Variants in CA12 observed in about 807,000 individuals in gnomAD.
CA12 encodes carbonic anhydrase 12.
Under a neutral mutation model 46.8 loss-of-function variants are expected in CA12, and 36 were observed. The observed-to-expected ratio is 0.77, with a 90% confidence interval of 0.59 to 1.02. The LOEUF (loss-of-function observed/expected upper bound fraction) is 1.02. Among genes scored for constraint, CA12 ranks in the 50% least tolerant of loss-of-function variants. CA12 has a pLI of 0.00. For missense variants in CA12, 436 were observed against 451.4 expected (o/e 0.97, Z 0.31); for synonymous variants, 202 against 187.0 (o/e 1.08, Z -0.65).
chr15:63,346,386 A>C, intron 3 of CA12, 144 bp downstream of exon 3: 5 of 749,008 alleles, frequency 6.7e-6, no homozygotes, highest in Non-Finnish European at 6.9e-6. Flanking sequence ...TGCTCCTGGA[A>C]TCTCTCAAAG....
chr15:63,350,951 G>A (rs562354775), intron 2 of CA12, among the ~76,000 whole-genome samples: 2 of 152,180 alleles, frequency 1.3e-5, no homozygotes, highest in East Asian at 1.9e-4. Context: ...AAACATAAGG[G>A]CTCTTAAAAC....
At chr15:63,335,914 C>A (rs2038997418) in intron 8 of CA12, among the ~76,000 whole-genome samples, 1 of 152,214 alleles carries the variant, frequency 6.6e-6, no homozygotes. Context: ...GCCTTCACCC[C>A]TTTGGGACTG....
At chr15:63,343,827 C>A (rs1051701325) in intron 4 of CA12, among the ~76,000 whole-genome samples, 3 of 152,178 alleles carry the variant, frequency 2.0e-5, no homozygotes, top group African/African-American at 7.2e-5. Context: ...AAATAAATCT[C>A]GAGACCCCCA....
intron 2 of CA12, among the ~76,000 whole-genome samples, chr15:63,360,012 C>A (rs746505406): frequency 1.3e-4 from 20 of 152,254 alleles, no homozygotes; most frequent in Non-Finnish European, 2.1e-4. Flanking sequence ...CCAGGCTTTG[C>A]TTTCCCCACT....
rs777342866 is a variant in CA12 at position 63,364,332 on chromosome 15, G to GGAAAAAAAAA, written c.106+11325_106+11326insTTTTTTTTTC. Among the ~76,000 whole-genome samples, 2 of 56,138 alleles carry GGAAAAAAAAA rather than the reference G, an allele frequency of 3.6e-5. 1 individual carries two copies. Among genetic ancestry groups the GGAAAAAAAAA allele is most frequent in the South Asian group, 2.3e-3 (2 of 880 alleles). 36.8% of individuals were successfully genotyped at this position (56,138 alleles called of 152,430 possible). ...GTGAAACAGTGAAACCCCGTCACTA[G>GGAAAAAAAAA]AAAAAAAAAAAAAAAAAAAAAAACA... is the stretch of plus-strand genomic sequence containing the variant. On this transcript the variant is annotated intron_variant, in intron 2 of 10. Transcript: ENST00000178638.
At chr15:63,364,711 G>A (rs1440240430) in intron 2 of CA12, among the ~76,000 whole-genome samples, 2 of 152,154 alleles carry the variant, frequency 1.3e-5, no homozygotes, top group Non-Finnish European at 2.9e-5. Flanking sequence ...GCACATTTCT[G>A]GCATATGCCT....
chr15:63,352,416 C>A (rs910817851), intron 2 of CA12, among the ~76,000 whole-genome samples: 3 of 152,072 alleles, frequency 2.0e-5, no homozygotes, highest in Non-Finnish European at 4.4e-5. Context: ...GCAAAAGAGA[C>A]CAGAGAAGGA....
At chr15:63,366,696 A>C (rs1419616973) in intron 2 of CA12, among the ~76,000 whole-genome samples, 1 of 152,248 alleles carries the variant, frequency 6.6e-6, no homozygotes, top group Non-Finnish European at 1.5e-5. Flanking sequence ...ACAAGTGGGA[A>C]ATTTTAAACT....
intron 2 of CA12, among the ~76,000 whole-genome samples, chr15:63,346,932 A>G (rs913560198): frequency 6.6e-6 from 1 of 152,208 alleles, no homozygotes; most frequent in Non-Finnish European, 1.5e-5. Context: ...AGGGCTGCAC[A>G]GGCCAGAGCC....
At chr15:63,337,450 T>A in intron 8 of CA12, among the ~76,000 whole-genome samples, 1 of 152,164 alleles carries the variant, frequency 6.6e-6, no homozygotes, top group Admixed American at 6.5e-5. Flanking sequence ...GGGTTTCTTT[T>A]GTTTTTGTTT....
At position 63,378,408 on chromosome 15, in the gene CA12, C is replaced by G. The variant is rs908023722; in HGVS notation, c.86-2730G>C. ...GTCTCAAAAAAAAAATTTCCCTAAGCTTAGACACATAAAGTTTTATATACA... is the reference window on the plus strand; with the variant it reads ...GTCTCAAAAAAAAAATTTCCCTAAGGTTAGACACATAAAGTTTTATATACA... On this transcript the variant is annotated intron_variant, in intron 1 of 10. Coordinates refer to ENST00000178638, the MANE Select transcript of CA12 (RefSeq NM_001218.5). This position sits in a 1 kb window ranked among gnomAD's most constrained non-coding sequence, Gnocchi z 4.8. 1.3e-5 allele frequency among the ~76,000 whole-genome samples: 2 copies of G among 151,940 alleles called. No individual in the cohort carries two copies. The highest frequency in any genetic ancestry group is 2.4e-5 in the African/African-American group (1 of 41,366).
chr15:63,340,299 A>G lies in CA12; in HGVS notation c.736T>C (p.Ser246Pro). 6.2e-7 allele frequency: 1 copy of G among 1,614,122 alleles called. No homozygotes were observed. Among genetic ancestry groups the G allele is most frequent in the Non-Finnish European group, 8.5e-7 (1 of 1,180,014 alleles). ...GGCACGACAGTTACCTGCTCCTGGG[A>G]AATTTGCACGGGGTTTCGGAAAACT... Reference protein sequence around the residue: ...WTVFRNPVQISQEQLLALETA... With the variant: ...WTVFRNPVQIPQEQLLALETA... The change falls in exon 7 of 11, where the codon TCC (serine) becomes CCC (proline). Residue 246 changes from serine (S) to proline (P), a missense_variant. Transcript: ENST00000178638. The surrounding 1 kb of genome is among the most constrained non-coding windows in gnomAD (Gnocchi z 4.4).
Position 63,340,855 on chromosome 15 carries a change from C to A in CA12, c.526-72G>T. On this transcript the variant is annotated intron_variant, in intron 5 of 10. Transcript: ENST00000178638. The surrounding 1 kb of genome is among the most constrained non-coding windows in gnomAD (Gnocchi z 4.4). ...CTGAGCCAGGATTGACGATTGCTATCAGAAGGGCAAAGCTGTGGGTATGTT... is the reference window on the plus strand; with the variant it reads ...CTGAGCCAGGATTGACGATTGCTATAAGAAGGGCAAAGCTGTGGGTATGTT... 1 of 1,348,774 alleles carries A rather than the reference C, an allele frequency of 7.4e-7. No homozygotes were observed. Among genetic ancestry groups the A allele is most frequent in the South Asian group, 1.2e-5 (1 of 84,850 alleles). 83.6% of individuals were successfully genotyped at this position (1,348,774 alleles called of 1,614,324 possible).
In CA12 at chr15:63,326,229, G is replaced by T; in HGVS notation, c.*56C>A. The T allele has an allele frequency of 7.6e-7, 1 of 1,321,114 alleles. No individual in the cohort carries two copies. Among genetic ancestry groups the T allele is most frequent in the Non-Finnish European group, 1.1e-6 (1 of 912,864 alleles). 81.8% of individuals were successfully genotyped at this position (1,321,114 alleles called of 1,614,324 possible). A position where few individuals can be genotyped will look rare whatever the true frequency, so the allele number is the denominator to read the frequency against. ...TGTCGCAAGTGTCCAGAGAGCCGAA[G>T]TGTGTAGGGTCCAAAGCAAGGTCCT... On this transcript the variant is annotated 3_prime_UTR_variant, in exon 11 of 11. Coordinates refer to ENST00000178638, the MANE Select transcript of CA12 (RefSeq NM_001218.5).
chr15:63,362,779 T>C (rs1323282345), intron 2 of CA12, among the ~76,000 whole-genome samples: 2 of 152,176 alleles, frequency 1.3e-5, no homozygotes, highest in Non-Finnish European at 2.9e-5. Context: ...TTTTCCTTTA[T>C]AGTAAAAAAA....
intron 2 of CA12, among the ~76,000 whole-genome samples, chr15:63,368,490 C>G (rs1247281491): frequency 6.6e-6 from 1 of 152,252 alleles, no homozygotes; most frequent in African/African-American, 2.4e-5. Flanking sequence ...GACTTCCTCC[C>G]TCCTGCCCGC....
At chr15:63,354,232 G>A (rs1038165585) in intron 2 of CA12, among the ~76,000 whole-genome samples, 4 of 152,188 alleles carry the variant, frequency 2.6e-5, no homozygotes, top group African/African-American at 7.2e-5. Flanking sequence ...CACTGAATCA[G>A]AGGTGGTCCC....
Position 63,328,430 on chromosome 15 carries a change from G to T in CA12, c.875-300C>A, listed in dbSNP as rs906002804. Among the ~76,000 whole-genome samples, 1 of 150,824 alleles carries T rather than the reference G, an allele frequency of 6.6e-6. No homozygotes were observed. Among genetic ancestry groups the T allele is most frequent in the Non-Finnish European group, 1.5e-5 (1 of 67,904 alleles). On this transcript the variant is annotated intron_variant, in intron 8 of 10. Coordinates refer to ENST00000178638, the MANE Select transcript of CA12 (RefSeq NM_001218.5). This position sits in a 1 kb window ranked among gnomAD's most constrained non-coding sequence, Gnocchi z 5.9. Reference sequence around the variant, plus strand: ...TGGCTCACTTCAACCTCCGCCTCCTGGGTTCAAGCAATTCTCTGCCTCAGT... The same window carrying T: ...TGGCTCACTTCAACCTCCGCCTCCTTGGTTCAAGCAATTCTCTGCCTCAGT...
chr15:63,328,338 CTT>C lies in CA12; in HGVS notation c.875-210_875-209del, dbSNP rs57210378. ...ACTGCAATCCCTCCTTCCGATGCTC[CTT>C]TTTTTTTTTTTTTTGAGATGGAATC... On this transcript the variant is annotated intron_variant, in intron 8 of 10. Transcript: ENST00000178638. This position sits in a 1 kb window ranked among gnomAD's most constrained non-coding sequence, Gnocchi z 5.9. Among the ~76,000 whole-genome samples the C allele has an allele frequency of 1.6e-4, 22 of 140,352 alleles. No homozygotes were observed. The highest frequency in any genetic ancestry group is 1.6e-4 in the Non-Finnish European group (10 of 64,460). The allele number at this position is 140,352 out of a possible 152,430, so 92.1% of individuals were successfully genotyped here.
Sources: allele counts gnomAD v4.1 joint callset (sites outside exome capture counted in the v4.1 genomes callset), GRCh38; gene constraint gnomAD v4.1.1; non-coding constraint Gnocchi (gnomAD v3.1); transcripts MANE v1.5; gene names NCBI Gene and HGNC (gene_info 2026-07-23, HGNC 2026-07-21).